The following GNAI3 variants were observed in gnomAD, a reference collection of about 807,000 sequenced individuals.
The protein encoded by GNAI3 is guanine nucleotide-binding protein G(i) subunit alpha-3.
A neutral mutation model predicts 41.8 loss-of-function variants in GNAI3; 12 were observed. The ratio of observed to expected loss-of-function variants is 0.29; its 90% CI spans 0.18 to 0.47. The LOEUF (loss-of-function observed/expected upper bound fraction) is 0.47. GNAI3 is among the 20% of genes least tolerant of loss of function. GNAI3 has a pLI of 1.00. For synonymous variants in GNAI3, 132 were observed against 146.5 expected (o/e 0.90, Z 0.71); for missense variants, 360 against 429.6 (o/e 0.84, Z 1.43).
intron 1 of GNAI3, among the ~76,000 whole-genome samples, chr1:109,554,810 A>G (rs1380727929): frequency 6.6e-6 from 1 of 152,140 alleles, no homozygotes; most frequent in East Asian, 1.9e-4. Context: ...GGTTTTTCCA[A>G]TGTTATCTTC....
In GNAI3 at chr1:109,592,268, A is replaced by T. The variant is rs1649191776; in HGVS notation, c.*22+13A>T. 7.1e-7 allele frequency: 1 copy of T among 1,413,916 alleles called. No homozygotes were observed. Among genetic ancestry groups the T allele is most frequent in the African/African-American group, 1.4e-5 (1 of 70,998 alleles). The allele number at this position is 1,413,916 out of a possible 1,614,324, so 87.6% of individuals were successfully genotyped here. A position where few individuals can be genotyped will look rare whatever the true frequency, so the allele number is the denominator to read the frequency against. The stretch of plus-strand genomic sequence containing the variant: ...ATGTTAGTGAAAGGTAAAGTTTCAT[A>T]CAAGGTAGTTATAGTGCTACAGTGA... On this transcript the variant is annotated intron_variant, in intron 8 of 8. Coordinates refer to ENST00000369851, the MANE Select transcript of GNAI3 (RefSeq NM_006496.4).
At chr1:109,563,928 A>G (rs1182574913) in intron 1 of GNAI3, among the ~76,000 whole-genome samples, 1 of 152,172 alleles carries the variant, frequency 6.6e-6, no homozygotes, top group African/African-American at 2.4e-5. Context: ...CATATGCTAT[A>G]AGTATTCCCT....
chr1:109,562,511 C>T (rs1044496560), intron 1 of GNAI3, among the ~76,000 whole-genome samples: 1 of 151,900 alleles, frequency 6.6e-6, no homozygotes, highest in Non-Finnish European at 1.5e-5. Context: ...GTTTTTTTTG[C>T]CATTCCACCA....
chr1:109,575,771 C>A lies in GNAI3; in HGVS notation c.303+1734C>A, dbSNP rs188745680. Reference sequence around the variant, plus strand: ...GGTCTCGAACTCCTGACCTTGTGATCCGCCCGCCTCGGCCTCCCAAAGTGC... The same window carrying A: ...GGTCTCGAACTCCTGACCTTGTGATACGCCCGCCTCGGCCTCCCAAAGTGC... On this transcript the variant is annotated intron_variant, in intron 3 of 8. Transcript: ENST00000369851. Among the ~76,000 whole-genome samples the A allele has an allele frequency of 2.1e-3, 321 of 152,080 alleles. 2 individuals are homozygous for A. Among genetic ancestry groups the A allele is most frequent in the African/African-American group, 7.0e-3 (292 of 41,538 alleles).
intron 1 of GNAI3, among the ~76,000 whole-genome samples, chr1:109,562,989 A>G (rs150345221): frequency 1.3e-5 from 2 of 152,346 alleles, no homozygotes; most frequent in African/African-American, 4.8e-5. Context: ...CTCTAAATAA[A>G]TATAGTTTTC....
At chr1:109,551,210 A>C (rs1647975329) in intron 1 of GNAI3, among the ~76,000 whole-genome samples, 1 of 152,238 alleles carries the variant, frequency 6.6e-6, no homozygotes, top group Admixed American at 6.5e-5. Context: ...ATTCTTGAGC[A>C]AGTTAAATCC....
At chr1:109,559,442 C>T (rs1231913173) in intron 1 of GNAI3, among the ~76,000 whole-genome samples, 1 of 152,146 alleles carries the variant, frequency 6.6e-6, no homozygotes, top group Non-Finnish European at 1.5e-5. Flanking sequence ...CTTTTTACCA[C>T]TGAGGGATTT....
At position 109,599,001 on chromosome 1, in the gene GNAI3, T is replaced by G. The variant is rs113172998; in HGVS notation, c.*6679T>G. 3.7e-4 allele frequency: 197 copies of G among 533,858 alleles called. No homozygotes were observed. The highest frequency in any genetic ancestry group is 3.3e-3 in the African/African-American group (173 of 52,060). 33.1% of individuals were successfully genotyped at this position (533,858 alleles called of 1,614,324 possible). On this transcript the variant is annotated 3_prime_UTR_variant, in exon 9 of 9. Coordinates refer to ENST00000369851, the MANE Select transcript of GNAI3 (RefSeq NM_006496.4). ...TTGGTCTACGGCACATCTCCAAGTA[T>G]AGAGTGGGTTTTGAATGCTGTTATG...
At chr1:109,575,826 G>A (rs898116178) in intron 3 of GNAI3, among the ~76,000 whole-genome samples, 23 of 152,000 alleles carry the variant, frequency 1.5e-4, no homozygotes, top group African/African-American at 4.3e-4. Flanking sequence ...CACCGCTCCC[G>A]GCCCCATTTC....
chr1:109,579,680 T>A (rs1277083547), intron 4 of GNAI3, among the ~76,000 whole-genome samples: 2 of 152,198 alleles, frequency 1.3e-5, no homozygotes, highest in Non-Finnish European at 2.9e-5. Context: ...ATAAGTTCCC[T>A]CTGTGTAAGG....
chr1:109,563,287 G>A (rs1017165652), intron 1 of GNAI3, among the ~76,000 whole-genome samples: 1 of 152,178 alleles, frequency 6.6e-6, no homozygotes, highest in Non-Finnish European at 1.5e-5. Flanking sequence ...AGGCTGAGGG[G>A]GAAGGATCGC....
intron 5 of GNAI3, among the ~76,000 whole-genome samples, chr1:109,585,858 A>G (rs944295039): frequency 8.5e-5 from 13 of 152,110 alleles, no homozygotes; most frequent in African/African-American, 2.2e-4. Flanking sequence ...TACCATTATT[A>G]TTATTATCTC....
chr1:109,599,445 C>G lies in GNAI3; in HGVS notation c.*7123C>G, dbSNP rs1303218563. The G allele has an allele frequency of 6.6e-6, 1 of 152,258 alleles. No homozygotes were observed. Among genetic ancestry groups the G allele is most frequent in the Non-Finnish European group, 1.5e-5 (1 of 68,148 alleles). The allele number at this position is 152,258 out of a possible 1,614,324, so 9.4% of individuals were successfully genotyped here. On this transcript the variant is annotated 3_prime_UTR_variant, in exon 9 of 9. Coordinates refer to ENST00000369851, the MANE Select transcript of GNAI3 (RefSeq NM_006496.4). ...TGGTAACCAGCATTTTCCTTTGTCT[C>G]TATGAATTTGACTATTTTAGATACC...
Position 109,586,787 on chromosome 1 carries a change from C to T in GNAI3, c.779C>T (p.Thr260Ile). Residue 260 changes from threonine to isoleucine, a missense_variant, in exon 7 of 9, where the codon ACA becomes ATA. By Grantham distance (89) the Thr-to-Ile change is moderately conservative. Coordinates refer to ENST00000369851, the MANE Select transcript of GNAI3 (RefSeq NM_006496.4). ...AGCATTTGTAATAACAAATGGTTTACAGAAACTTCAATCATTCTCTTCCTT... is the reference window on the plus strand; with the variant it reads ...AGCATTTGTAATAACAAATGGTTTATAGAAACTTCAATCATTCTCTTCCTT... ...FDSICNNKWF[T>I]ETSIILFLNK... The T allele has an allele frequency of 6.3e-7, 1 of 1,598,042 alleles. No individual in the cohort carries two copies. Among genetic ancestry groups the T allele is most frequent in the Non-Finnish European group, 8.6e-7 (1 of 1,165,902 alleles).
In GNAI3 at chr1:109,573,475, T is replaced by C. The variant is rs375788773; in HGVS notation, c.119-262T>C. The stretch of plus-strand genomic sequence containing the variant: ...AAAAGTTTATGTTGCCATCTGTCCT[T>C]GGATATGCCTATTTTACACAAATGA... On this transcript the variant is annotated intron_variant, in intron 1 of 8. Coordinates refer to ENST00000369851, the MANE Select transcript of GNAI3 (RefSeq NM_006496.4). Among the ~76,000 whole-genome samples the C allele has an allele frequency of 1.2e-3, 181 of 152,330 alleles. 2 individuals are homozygous for C. Among genetic ancestry groups the C allele is most frequent in the African/African-American group, 4.0e-3 (167 of 41,570 alleles).
intron 1 of GNAI3, among the ~76,000 whole-genome samples, chr1:109,555,286 T>G (rs1000270068): frequency 1.3e-5 from 2 of 152,168 alleles, no homozygotes; most frequent in African/African-American, 4.8e-5. Flanking sequence ...CGAACTATAC[T>G]GTAAGGCCAT....
chr1:109,554,930 C>CA (rs1428069554), intron 1 of GNAI3, among the ~76,000 whole-genome samples: 1 of 151,896 alleles, frequency 6.6e-6, no homozygotes, highest in Non-Finnish European at 1.5e-5. Context: ...TAGCTGCAAA[C>CA]AAAAAACAAA....
At chr1:109,574,090 A>G (rs1339748994) in intron 3 of GNAI3, 53 bp downstream of exon 3, 8 of 1,412,998 alleles carry the variant, frequency 5.7e-6, no homozygotes, top group African/African-American at 1.4e-5. Flanking sequence ...GATACAGTTA[A>G]GTTAAGCAAA....
intron 1 of GNAI3, among the ~76,000 whole-genome samples, chr1:109,559,640 A>T (rs374519464): frequency 6.6e-6 from 1 of 152,270 alleles, no homozygotes; most frequent in African/African-American, 2.4e-5. Flanking sequence ...CCTGAAAAAC[A>T]TAAATTCATG....
Sources: allele counts gnomAD v4.1 joint callset (sites outside exome capture counted in the v4.1 genomes callset), GRCh38; gene constraint gnomAD v4.1.1; transcripts MANE v1.5; gene names NCBI Gene and HGNC (gene_info 2026-07-23, HGNC 2026-07-21).